The following GADL1 variants were observed in gnomAD, a reference collection of about 807,000 sequenced individuals.
The protein encoded by GADL1 is GAD like acidic amino acid decarboxylase 1.
Under a neutral mutation model 69.5 loss-of-function variants are expected in GADL1, and 71 were observed. That is an observed-to-expected ratio of 1.02 (90% CI 0.84 to 1.25). The LOEUF (loss-of-function observed/expected upper bound fraction) is 1.25, where lower values mean the gene tolerates loss of function less well. Ranked by LOEUF, GADL1 falls within the 50% of genes most tolerant of loss-of-function variation. GADL1 has a pLI of 0.00. For synonymous variants in GADL1, 254 were observed against 214.4 expected, an observed-to-expected ratio of 1.18 and a Z score of -1.62; for missense variants, 737 against 631.8, an observed-to-expected ratio of 1.17 and a Z score of -1.79.
rs774721491 is a variant in GADL1 at position 30,800,836 on chromosome 3, CACACACACACACACAGAAAG to C, written c.1250+33_1250+52del. ...ACACACACACACACACACACACACACACACACACACACACAGAAAGAGAGAGAGAGAGAGAGAGAGAGAGG... is the reference window on the plus strand; with the variant it reads ...ACACACACACACACACACACACACACAGAGAGAGAGAGAGAGAGAGAGAGG... On this transcript the variant is annotated intron_variant, in intron 12 of 14. Coordinates refer to ENST00000282538, the MANE Select transcript of GADL1 (RefSeq NM_207359.3). 5.7e-6 allele frequency: 7 copies of C among 1,225,258 alleles called. No individual in the cohort carries two copies. The South Asian group carries it at 8.8e-5, about 15-fold the overall frequency. 75.9% of individuals were successfully genotyped at this position (1,225,258 alleles called of 1,614,324 possible).
chr3:30,767,869 A>AT (rs1371836745), intron 14 of GADL1, among the ~76,000 whole-genome samples: 1 of 152,210 alleles, frequency 6.6e-6, no homozygotes, highest in Non-Finnish European at 1.5e-5. Flanking sequence ...CCTTATTCAA[A>AT]TTTATAAGGA....
intron 9 of GADL1, among the ~76,000 whole-genome samples, chr3:30,834,704 T>G (rs917186510): frequency 1.3e-5 from 2 of 152,102 alleles, no homozygotes; most frequent in African/African-American, 4.8e-5. Context: ...ATTGACAAGG[T>G]AGATAGAAGG....
chr3:30,759,033 TGA>T (rs1696052732), intron 14 of GADL1, among the ~76,000 whole-genome samples: 1 of 151,988 alleles, frequency 6.6e-6, no homozygotes, highest in African/African-American at 2.4e-5. Context: ...ATTTCAAACT[TGA>T]GTTAGGTGGG....
At chr3:30,880,270 G>T (rs771953826) in intron 1 of GADL1, among the ~76,000 whole-genome samples, 44 of 151,686 alleles carry the variant, frequency 2.9e-4, no homozygotes, top group African/African-American at 1.1e-3. Flanking sequence ...GATGATTTAC[G>T]TATACAGGAG....
chr3:30,740,301 A>T (rs557579143), intron 14 of GADL1, among the ~76,000 whole-genome samples: 1 of 152,176 alleles, frequency 6.6e-6, no homozygotes, highest in African/African-American at 2.4e-5. Context: ...TTTTGGGAAT[A>T]ACTGCAAAAT....
chr3:30,849,199 AGC>A (rs539164704), intron 6 of GADL1, among the ~76,000 whole-genome samples: 2 of 152,174 alleles, frequency 1.3e-5, no homozygotes, highest in Non-Finnish European at 2.9e-5. Flanking sequence ...ATGGGCCATC[AGC>A]CAGCCAACCC....
intron 1 of GADL1, among the ~76,000 whole-genome samples, chr3:30,889,163 T>A (rs1328625147): frequency 2.4e-5 from 3 of 123,362 alleles, no homozygotes; most frequent in Non-Finnish European, 4.9e-5. Flanking sequence ...AGCCTTACAA[T>A]CATGGCGGGA....
At chr3:30,729,936 A>G (rs1695429794) in intron 14 of GADL1, among the ~76,000 whole-genome samples, 1 of 152,252 alleles carries the variant, frequency 6.6e-6, no homozygotes, top group South Asian at 2.1e-4. Context: ...ATCACAAGAT[A>G]TGAAAAGAAA....
intron 6 of GADL1, among the ~76,000 whole-genome samples, chr3:30,846,747 C>A (rs566050445): frequency 6.6e-6 from 1 of 152,176 alleles, no homozygotes; most frequent in Non-Finnish European, 1.5e-5. Flanking sequence ...CTGAACCCAG[C>A]CTCATGCTCT....
chr3:30,889,604 A>G (rs75258498), intron 1 of GADL1, among the ~76,000 whole-genome samples: 1 of 152,216 alleles, frequency 6.6e-6, no homozygotes, highest in Non-Finnish European at 1.5e-5. Context: ...TAATATTCTT[A>G]GTCACTGGAT....
intron 14 of GADL1, among the ~76,000 whole-genome samples, chr3:30,771,314 C>G (rs766109781): frequency 3.3e-5 from 5 of 152,108 alleles, no homozygotes; most frequent in Admixed American, 6.5e-5. Context: ...AACTGATAAC[C>G]ATTAGAATGC....
intron 10 of GADL1, 134 bp from the exon 11 acceptor site, chr3:30,834,068 G>A (rs2125523761): frequency 2.2e-6 from 2 of 898,474 alleles, no homozygotes; most frequent in Admixed American, 2.1e-5. Context: ...CCTTATCTGA[G>A]TGGTTTAAGG....
intron 11 of GADL1, among the ~76,000 whole-genome samples, chr3:30,818,747 C>G (rs963440709): frequency 6.6e-6 from 1 of 152,140 alleles, no homozygotes; most frequent in African/African-American, 2.4e-5. Flanking sequence ...TTTACTGAAT[C>G]TGGCAACCCT....
At chr3:30,805,577 TGTGAA>T (rs1256247690) in intron 11 of GADL1, among the ~76,000 whole-genome samples, 2 of 152,116 alleles carry the variant, frequency 1.3e-5, no homozygotes, top group African/African-American at 4.8e-5. Context: ...TCACTCATTA[TGTGAA>T]AGAATGAATC....
chr3:30,856,157 A>C (rs1698227718), intron 3 of GADL1, among the ~76,000 whole-genome samples: 1 of 152,094 alleles, frequency 6.6e-6, no homozygotes, highest in Non-Finnish European at 1.5e-5. Context: ...AGACTTTCCC[A>C]AAGGAATATA....
chr3:30,786,267 A>G, intron 13 of GADL1, 88 bp downstream of exon 13: 1 of 816,722 alleles, frequency 1.2e-6, no homozygotes, highest in Non-Finnish European at 2.1e-6. Context: ...CAACACAAAA[A>G]CCAATGAAAC....
At chr3:30,836,188 C>T (rs972867586) in intron 9 of GADL1, among the ~76,000 whole-genome samples, 1 of 152,012 alleles carries the variant, frequency 6.6e-6, no homozygotes, top group Non-Finnish European at 1.5e-5. Flanking sequence ...TCACACTTTC[C>T]ACCTGCCTCA....
intron 14 of GADL1, among the ~76,000 whole-genome samples, chr3:30,758,940 G>T (rs556704689): frequency 6.6e-6 from 1 of 152,262 alleles, no homozygotes; most frequent in African/African-American, 2.4e-5. Context: ...TTCCTATATT[G>T]CAGAGGCTTA....
chr3:30,767,023 C>T (rs989251183), intron 14 of GADL1, among the ~76,000 whole-genome samples: 2 of 152,122 alleles, frequency 1.3e-5, no homozygotes, highest in African/African-American at 4.8e-5. Flanking sequence ...GTTTATCAAG[C>T]ATTTACTCTG....
Sources: allele counts gnomAD v4.1 joint callset (sites outside exome capture counted in the v4.1 genomes callset), GRCh38; gene constraint gnomAD v4.1.1; transcripts MANE v1.5; gene names NCBI Gene and HGNC (gene_info 2026-07-23, HGNC 2026-07-21).